The following CNTN4 variants were observed in gnomAD, a reference collection of about 807,000 sequenced individuals.
CNTN4 encodes the protein contactin 4.
CNTN4 carries 77 observed loss-of-function variants against 122.5 expected under a neutral mutation model. The observed-to-expected ratio is 0.63, with a 90% confidence interval of 0.52 to 0.76. The LOEUF (loss-of-function observed/expected upper bound fraction) is 0.76, where lower values mean the gene tolerates loss of function less well. Ranked by LOEUF, CNTN4 falls within the 30% of genes least tolerant of loss-of-function variation. CNTN4 has a pLI of 0.00. For synonymous variants in CNTN4, 512 were observed against 447.0 expected (o/e 1.15, Z -1.83); for missense variants, 1,256 against 1,259.1 (o/e 1.00, Z 0.04).
In CNTN4 at chr3:2,334,551, T is replaced by C. The variant is rs1466538969; in HGVS notation, c.-144-4627T>C. On this transcript the variant is annotated intron_variant, in intron 2 of 24. Transcript: ENST00000418658. Reference sequence around the variant, plus strand: ...AACTACAAGAGGTTATATAACTTGGTTGAGTTCATGCAGCAAATAACGTGG... The same window carrying C: ...AACTACAAGAGGTTATATAACTTGGCTGAGTTCATGCAGCAAATAACGTGG... 2.6e-5 allele frequency among the ~76,000 whole-genome samples: 3 copies of C among 113,876 alleles called. No individual in the cohort carries two copies. In the East Asian group the frequency reaches 1.2e-3, roughly 44 times the overall value. The allele number at this position is 113,876 out of a possible 152,430, so 74.7% of individuals were successfully genotyped here. A position where few individuals can be genotyped will look rare whatever the true frequency, so the allele number is the denominator to read the frequency against.
chr3:2,225,240 C>T (rs1040398416), intron 2 of CNTN4, among the ~76,000 whole-genome samples: 3 of 150,586 alleles, frequency 2.0e-5, no homozygotes, highest in East Asian at 2.0e-4. Flanking sequence ...TCCTGCCAGG[C>T]GCATTGGCTC....
intron 3 of CNTN4, among the ~76,000 whole-genome samples, chr3:2,340,707 A>AGAGAGGGAGAGGGAGAGG (rs1174143787): frequency 2.3e-5 from 2 of 85,372 alleles, no homozygotes; most frequent in Admixed American, 1.3e-4. Flanking sequence ...ATATATATAT[A>AGAGAGGGAGAGGGAGAGG]TATAGAGAGA....
chr3:2,745,520 A>G lies in CNTN4; in HGVS notation c.183-2A>G. 1 of 1,612,244 alleles carries G rather than the reference A, an allele frequency of 6.2e-7. No individual in the cohort carries two copies. The highest frequency in any genetic ancestry group is 8.5e-7 in the Non-Finnish European group (1 of 1,178,248). ...TTATCTACTGGCATTTTTATACTAT[A>G]GGTGGAAGTTAAATGGAACAGATGT... On this transcript the variant is annotated splice_acceptor_variant, in intron 5 of 24. Transcript: ENST00000418658. LOFTEE classifies it high-confidence loss of function.
At chr3:2,937,634 T>G (rs2151477164) in intron 13 of CNTN4, among the ~76,000 whole-genome samples, 1 of 152,290 alleles carries the variant, frequency 6.6e-6, no homozygotes, top group South Asian at 2.1e-4. Flanking sequence ...TTTATAAAAT[T>G]CAGCTACTGT....
intron 14 of CNTN4, among the ~76,000 whole-genome samples, chr3:3,003,720 A>AAC (rs1472728074): frequency 6.6e-6 from 1 of 150,644 alleles, no homozygotes; most frequent in Non-Finnish European, 1.5e-5. Context: ...AAAAACAAAA[A>AAC]AACCCCACTG....
At position 2,286,894 on chromosome 3, in the gene CNTN4, CAAA is replaced by C. The variant is rs563738113; in HGVS notation, c.-144-52283_-144-52281del. Among the ~76,000 whole-genome samples, 696 of 152,300 alleles carry C rather than the reference CAAA, an allele frequency of 4.6e-3. 5 individuals carry two copies. The highest frequency in any genetic ancestry group is 0.016 in the African/African-American group (668 of 41,572). On this transcript the variant is annotated intron_variant, in intron 2 of 24. Transcript: ENST00000418658. ...GATTCAAGCATGGCATCATTATATA[CAAA>C]TGCTAGATGAGCTATCAATGCAGAT... is the stretch of plus-strand genomic sequence containing the variant.
chr3:3,042,439 T>C lies in CNTN4; in HGVS notation c.2511+17T>C. 1 of 1,519,384 alleles carries C rather than the reference T, an allele frequency of 6.6e-7. No homozygotes were observed. Among genetic ancestry groups the C allele is most frequent in the Non-Finnish European group, 9.1e-7 (1 of 1,093,484 alleles). 94.1% of individuals were successfully genotyped at this position (1,519,384 alleles called of 1,614,324 possible). A position where few individuals can be genotyped will look rare whatever the true frequency, so the allele number is the denominator to read the frequency against. On this transcript the variant is annotated intron_variant, in intron 21 of 24. Coordinates refer to ENST00000418658, the MANE Select transcript of CNTN4 (RefSeq NM_175607.3). The stretch of plus-strand genomic sequence containing the variant: ...GGTTATGAGGTAGGCAAGACATATG[T>C]GCCTTGGGTCTGAAAGAGAGTCTAT...
intron 4 of CNTN4, among the ~76,000 whole-genome samples, chr3:2,593,976 T>C (rs942755961): frequency 2.6e-5 from 4 of 152,180 alleles, no homozygotes; most frequent in African/African-American, 9.7e-5. Flanking sequence ...AAATAGGTGT[T>C]TTCAGACAGT....
intron 4 of CNTN4, among the ~76,000 whole-genome samples, chr3:2,674,292 C>T (rs188585176): frequency 6.6e-6 from 1 of 151,766 alleles, no homozygotes; most frequent in Non-Finnish European, 1.5e-5. Context: ...TTTTAATTGA[C>T]ACATAATTGC....
At chr3:2,108,324 C>G (rs1321487220) in intron 2 of CNTN4, among the ~76,000 whole-genome samples, 1 of 152,090 alleles carries the variant, frequency 6.6e-6, no homozygotes, top group African/African-American at 2.4e-5. Flanking sequence ...AAGAATGGCT[C>G]CGTCACCTGT....
At chr3:2,840,041 A>C (rs1349142013) in intron 7 of CNTN4, among the ~76,000 whole-genome samples, 3 of 152,166 alleles carry the variant, frequency 2.0e-5, no homozygotes, top group African/African-American at 7.2e-5. Context: ...TCCTATAGGC[A>C]CAGCTTCCAA....
chr3:2,515,576 T>A (rs1285282844), intron 3 of CNTN4, among the ~76,000 whole-genome samples: 1 of 152,078 alleles, frequency 6.6e-6, no homozygotes, highest in African/African-American at 2.4e-5. Flanking sequence ...AAACATGAGA[T>A]AGGAAAAATA....
At chr3:2,567,379 C>T (rs1456516901) in intron 3 of CNTN4, among the ~76,000 whole-genome samples, 1 of 150,528 alleles carries the variant, frequency 6.6e-6, no homozygotes, top group Non-Finnish European at 1.5e-5. Flanking sequence ...AGCCACCGTG[C>T]CTGGCCTCAA....
Position 2,994,594 on chromosome 3 carries a change from C to CATATATATATATATATATATATAT in CNTN4, c.1486+6142_1486+6143insATATATATATATATATATATATAT, listed in dbSNP as rs35069373. ...TTATGTTTAAATCAACAGATTTTTTCATATATATATATATATATATGTGTG... is the reference window on the plus strand; with the variant it reads ...TTATGTTTAAATCAACAGATTTTTTCATATATATATATATATATATATATATATATATATATATATATATGTGTG... On this transcript the variant is annotated intron_variant, in intron 14 of 24. Coordinates refer to ENST00000418658, the MANE Select transcript of CNTN4 (RefSeq NM_175607.3). 2.6e-4 allele frequency among the ~76,000 whole-genome samples: 38 copies of CATATATATATATATATATATATAT among 144,644 alleles called. No homozygotes were observed. In the East Asian group the frequency reaches 4.2e-3, roughly 16 times the overall value. The allele number at this position is 144,644 out of a possible 152,430, so 94.9% of individuals were successfully genotyped here. A position where few individuals can be genotyped will look rare whatever the true frequency, so the allele number is the denominator to read the frequency against.
chr3:2,981,246 C>T (rs1034983271), intron 13 of CNTN4, among the ~76,000 whole-genome samples: 1 of 152,056 alleles, frequency 6.6e-6, no homozygotes, highest in South Asian at 2.1e-4. Flanking sequence ...AGATCGAGAC[C>T]ATCCTGGCTA....
chr3:2,162,801 CAAT>C (rs1257618202), intron 2 of CNTN4, among the ~76,000 whole-genome samples: 4 of 152,130 alleles, frequency 2.6e-5, no homozygotes, highest in African/African-American at 9.6e-5. Context: ...ATAAAAGAAA[CAAT>C]AAGAAAACAG....
chr3:2,725,417 T>C (rs928700168), intron 4 of CNTN4, among the ~76,000 whole-genome samples: 2 of 152,172 alleles, frequency 1.3e-5, no homozygotes, highest in Non-Finnish European at 2.9e-5. Context: ...GGAGATTCTT[T>C]ATGCGTAGAA....
rs534717541 is a variant in CNTN4, at chr3:2,524,161, A to G, written c.-88-47255A>G. Among the ~76,000 whole-genome samples the G allele has an allele frequency of 2.0e-4, 30 of 152,084 alleles. No homozygotes were observed. The South Asian group carries it at 3.7e-3, about 19-fold the overall frequency. On this transcript the variant is annotated intron_variant, in intron 3 of 24. Coordinates refer to ENST00000418658, the MANE Select transcript of CNTN4 (RefSeq NM_175607.3). ...CACAGTCGCTTCCCATTTCTCCTCA[A>G]TCCCTCCCTAGACCAACAATAATCT...
chr3:2,872,899 A>G (rs111876234), intron 8 of CNTN4, among the ~76,000 whole-genome samples: 2,514 of 152,284 alleles, frequency 0.017, 75 homozygotes, highest in African/African-American at 0.057. Context: ...TATAACTGAA[A>G]TACCTGACCA....
Sources: gnomAD v4.1 joint callset for allele counts (sites outside exome capture counted in the v4.1 genomes callset) on GRCh38, gnomAD v4.1.1 for gene constraint, MANE v1.5 for transcripts, NCBI Gene and HGNC (gene_info 2026-07-23, HGNC 2026-07-21) for gene names.